Variants in RASA1 observed in about 807,000 individuals in gnomAD.
The protein encoded by RASA1 is RAS p21 protein activator 1.
A neutral mutation model predicts 132.2 loss-of-function variants in RASA1; 25 were observed. That is an observed-to-expected ratio of 0.19 (90% CI 0.14 to 0.26). The LOEUF (loss-of-function observed/expected upper bound fraction) is 0.26, where lower values mean the gene tolerates loss of function less well. RASA1 is among the 10% of genes least tolerant of loss of function. The pLI is 1.00. For synonymous variants in RASA1, 477 were observed against 449.9 expected (o/e 1.06, Z -0.76); for missense variants, 964 against 1,299.2 (o/e 0.74, Z 3.97).
intron 1 of RASA1, among the ~76,000 whole-genome samples, chr5:87,324,597 T>A (rs1386957521): frequency 6.6e-6 from 1 of 152,208 alleles, no homozygotes; most frequent in African/African-American, 2.4e-5. Flanking sequence ...ACAGCATTTC[T>A]GCCCTTACTT....
At chr5:87,335,419 GTTTTTTTTTTTT>G (rs34986349) in intron 4 of RASA1, among the ~76,000 whole-genome samples, 4 of 72,888 alleles carry the variant, frequency 5.5e-5, no homozygotes, top group African/African-American at 2.2e-4. Flanking sequence ...AAAGAATGAG[GTTTTTTTTTTTT>G]TTTTTTTTTT....
At chr5:87,385,504 T>A in intron 22 of RASA1, 115 bp downstream of exon 22, 1 of 787,998 alleles carries the variant, frequency 1.3e-6, no homozygotes, top group East Asian at 2.7e-5. Context: ...CGATGAAAGA[T>A]TATTTTTGTT....
At chr5:87,289,662 G>A (rs1421460095) in intron 1 of RASA1, among the ~76,000 whole-genome samples, 1 of 152,030 alleles carries the variant, frequency 6.6e-6, no homozygotes, top group Admixed American at 6.6e-5. Flanking sequence ...TCAGGTTGGA[G>A]TGCAGTGGTG....
In RASA1 at chr5:87,384,045, C is replaced by G. The variant is rs1322367743; in HGVS notation, c.2758+265C>G. On this transcript the variant is annotated intron_variant, in intron 21 of 24. Coordinates refer to ENST00000274376, the MANE Select transcript of RASA1 (RefSeq NM_002890.3). ...CTTTTTTCTACCCCTATTTGTGTCT[C>G]AAACCTTTATAATAAGTGACTTCTT... Among the ~76,000 whole-genome samples the G allele has an allele frequency of 2.0e-5, 3 of 152,104 alleles. No homozygotes were observed. The South Asian group carries it at 6.2e-4, about 32-fold the overall frequency.
At chr5:87,308,523 A>G (rs188095015) in intron 1 of RASA1, among the ~76,000 whole-genome samples, 279 of 152,314 alleles carry the variant, frequency 1.8e-3, no homozygotes, top group South Asian at 0.014. Flanking sequence ...ATTAAAAAAC[A>G]AAATAATGAA....
rs1762471901 is a variant in RASA1 at position 87,390,976 on chromosome 5, G to C, written c.*93G>C. The C allele has an allele frequency of 7.8e-7, 1 of 1,286,240 alleles. No homozygotes were observed. The highest frequency in any genetic ancestry group is 1.7e-5 in the Admixed American group (1 of 57,582). 79.7% of individuals were successfully genotyped at this position (1,286,240 alleles called of 1,614,324 possible). A position where few individuals can be genotyped will look rare whatever the true frequency, so the allele number is the denominator to read the frequency against. On this transcript the variant is annotated 3_prime_UTR_variant, in exon 25 of 25. Coordinates refer to ENST00000274376, the MANE Select transcript of RASA1 (RefSeq NM_002890.3). ...TCTCCTTTGCTCTTGCCAAAAAATA[G>C]CACACTTTTCCACATTCCAGTGATG... is the stretch of plus-strand genomic sequence containing the variant.
rs147535075 is a variant in RASA1 at position 87,382,204 on chromosome 5, G to A, written c.2691-1509G>A. Among the ~76,000 whole-genome samples the A allele has an allele frequency of 2.6e-4, 39 of 152,168 alleles. No homozygotes were observed. In the East Asian group the frequency reaches 7.0e-3, roughly 27 times the overall value. On this transcript the variant is annotated intron_variant, in intron 20 of 24. Transcript: ENST00000274376. ...TGGCCTCAGGTGGTACACCCACCTC[G>A]GCCTCCCAAAGTGTTGGATTACAGG... is the stretch of plus-strand genomic sequence containing the variant.
chr5:87,362,777 G>C (rs11957884), intron 10 of RASA1, 106 bp downstream of exon 10: 1 of 1,310,860 alleles, frequency 7.6e-7, no homozygotes, highest in Non-Finnish European at 1.1e-6. Flanking sequence ...TGAGTTATTA[G>C]TAATTGACAC....
At chr5:87,276,226 G>A (rs1042529507) in intron 1 of RASA1, among the ~76,000 whole-genome samples, 1 of 152,046 alleles carries the variant, frequency 6.6e-6, no homozygotes, top group Non-Finnish European at 1.5e-5. Context: ...TGTTAAATGA[G>A]TCAAATTTCT....
rs781122884 is a variant in RASA1, at chr5:87,362,657, A to C, written c.1439A>C (p.Tyr480Ser). 3.1e-6 allele frequency: 5 copies of C among 1,605,740 alleles called. No homozygotes were observed. Among genetic ancestry groups the C allele is most frequent in the Non-Finnish European group, 3.4e-6 (4 of 1,172,630 alleles). Reference sequence around the variant, plus strand: ...TATAAAAACATTGTTAAGAAAGGTTATCTTCTGAAAAAGGGTAAGTTCAGA... The same window carrying C: ...TATAAAAACATTGTTAAGAAAGGTTCTCTTCTGAAAAAGGGTAAGTTCAGA... ...AFYKNIVKKG[Y>S]LLKKGKGKRW... The change falls in exon 10 of 25, where the codon TAT (tyrosine) becomes TCT (serine). Residue 480 changes from tyrosine to serine, a missense_variant. Coordinates refer to ENST00000274376, the MANE Select transcript of RASA1 (RefSeq NM_002890.3).
chr5:87,326,562 G>C (rs985074074), intron 1 of RASA1, among the ~76,000 whole-genome samples: 2 of 152,140 alleles, frequency 1.3e-5, no homozygotes, highest in Admixed American at 6.5e-5. Flanking sequence ...AAGAAGAAGA[G>C]AGAGGGAGAT....
chr5:87,390,416 T>C (rs571746397), intron 24 of RASA1, among the ~76,000 whole-genome samples: 1 of 152,070 alleles, frequency 6.6e-6, no homozygotes, highest in East Asian at 1.9e-4. Context: ...TCAAGTCCTG[T>C]TTCTCCCCGC....
chr5:87,382,420 A>G (rs1419161886), intron 20 of RASA1, among the ~76,000 whole-genome samples: 1 of 152,242 alleles, frequency 6.6e-6, no homozygotes, highest in Non-Finnish European at 1.5e-5. Context: ...GGAATTGCGT[A>G]ACTCATTATT....
At chr5:87,282,751 T>C (rs1469122752) in intron 1 of RASA1, among the ~76,000 whole-genome samples, 1 of 152,206 alleles carries the variant, frequency 6.6e-6, no homozygotes, top group Non-Finnish European at 1.5e-5. Context: ...CTTCCTGTTG[T>C]TCAGATGGGG....
chr5:87,342,148 T>G (rs1758516236), intron 6 of RASA1, among the ~76,000 whole-genome samples: 1 of 151,858 alleles, frequency 6.6e-6, no homozygotes. Context: ...TCAAATTCTT[T>G]TTTGTTATTT....
chr5:87,374,170 G>A lies in RASA1; in HGVS notation c.1784G>A (p.Ser595Asn). ...ATATTTTTTTTTTTTTAGGTCAGCA[G>A]CCTTGTTTTACATATTGAAGAAGCC... is the stretch of plus-strand genomic sequence containing the variant. ...TSNKRLRQVSSLVLHIEEAHK... is the reference protein window; with the variant it reads ...TSNKRLRQVSNLVLHIEEAHK... Residue 595 changes from serine (S) to asparagine (N), a missense_variant, in exon 14 of 25, where the codon AGC (serine) becomes AAC (asparagine). By Grantham distance (46) the Ser-to-Asn change is conservative. This residue lies in a region of RASA1 where 346 missense variants were observed against 520.1 expected (regional missense o/e 0.67). Transcript: ENST00000274376. 1 of 1,504,576 alleles carries A rather than the reference G, an allele frequency of 6.6e-7. No individual in the cohort carries two copies. The highest frequency in any genetic ancestry group is 8.9e-7 in the Non-Finnish European group (1 of 1,121,758). 93.2% of individuals were successfully genotyped at this position (1,504,576 alleles called of 1,614,324 possible).
intron 1 of RASA1, among the ~76,000 whole-genome samples, chr5:87,286,318 TTC>T (rs1754562443): frequency 1.3e-5 from 2 of 152,154 alleles, no homozygotes; most frequent in South Asian, 2.1e-4. Flanking sequence ...CACCCTCATT[TTC>T]TCTTTCTTCT....
intron 1 of RASA1, among the ~76,000 whole-genome samples, chr5:87,327,621 T>C (rs1757322471): frequency 6.6e-6 from 1 of 152,198 alleles, no homozygotes; most frequent in South Asian, 2.1e-4. Context: ...AGCATAATCA[T>C]ACTTCTTTGA....
chr5:87,342,152 G>C (rs1561295308), intron 6 of RASA1, among the ~76,000 whole-genome samples: 1 of 147,904 alleles, frequency 6.8e-6, no homozygotes, highest in African/African-American at 2.5e-5. Flanking sequence ...ATTCTTTTTT[G>C]TTATTTTTTC....
Sources: allele counts gnomAD v4.1 joint callset (sites outside exome capture counted in the v4.1 genomes callset), GRCh38; gene constraint gnomAD v4.1.1; regional missense constraint gnomAD v4.1.1; transcripts MANE v1.5; gene names NCBI Gene and HGNC (gene_info 2026-07-23, HGNC 2026-07-21).